Variants in PWWP2A observed in about 807,000 individuals in gnomAD.
PWWP2A encodes the protein PWWP domain containing 2A.
A neutral mutation model predicts 48.5 loss-of-function variants in PWWP2A; 18 were observed. The ratio of observed to expected loss-of-function variants is 0.37; its 90% confidence interval spans 0.26 to 0.55. The LOEUF is 0.55. PWWP2A is among the 20% of genes least tolerant of loss of function. PWWP2A has a pLI of 0.81. For synonymous variants in PWWP2A, 396 were observed against 387.7 expected (o/e 1.02, Z -0.25); for missense variants, 867 against 976.4 (o/e 0.89, Z 1.49).
At chr5:160,084,447 G>C (rs945203993) in intron 2 of PWWP2A, among the ~76,000 whole-genome samples, 11 of 152,012 alleles carry the variant, frequency 7.2e-5, no homozygotes, top group African/African-American at 2.7e-4. Context: ...TTTGTGTTTT[G>C]AGACAGGGTC....
intron 1 of PWWP2A, among the ~76,000 whole-genome samples, chr5:160,094,852 C>A (rs1313088240): frequency 9.9e-5 from 15 of 151,794 alleles, no homozygotes; most frequent in Admixed American, 9.9e-4. Flanking sequence ...TCGAGACCAT[C>A]CTGGCGAACA....
chr5:160,093,006 A>T lies in PWWP2A; in HGVS notation c.1644T>A (p.Asp548Glu). ...QDTNEVHVPG[D>E]QDEPQTLGKK... ...TGCCCAATGTCTGTGGTTCATCCTG[A>T]TCACCAGGCACATGCACTTCATTTG... is the stretch of plus-strand genomic sequence containing the variant. The change falls in exon 2 of 2, where the codon GAT becomes GAA. Residue 548 changes from aspartate (D) to glutamate (E), a missense_variant. Coordinates refer to ENST00000307063, the MANE Select transcript of PWWP2A (RefSeq NM_001130864.2). The surrounding 1 kb of genome is among the most constrained non-coding windows in gnomAD (Gnocchi z 5.8). 1.3e-6 allele frequency: 2 copies of T among 1,583,874 alleles called. No individual in the cohort carries two copies. Among genetic ancestry groups the T allele is most frequent in the Non-Finnish European group, 1.7e-6 (2 of 1,164,290 alleles).
chr5:160,047,559 A>G, the PWWP2A span, among the ~76,000 whole-genome samples: 1 of 152,196 alleles, frequency 6.6e-6, no homozygotes, highest in South Asian at 2.1e-4. Context: ...CGCCAACACT[A>G]CAGCCAAAGC....
In PWWP2A at chr5:160,093,396, G is replaced by A. The variant is rs1755289054; in HGVS notation, c.1254C>T (p.Leu418=). ...SKAQLSTKKV[L]QSKNMDHAKA... The stretch of plus-strand genomic sequence containing the variant: ...TCGCATGATCCATGTTCTTACTCTG[G>A]AGAACTTTTTTAGTACTTAACTGAG... The change falls in exon 2 of 2, where the codon CTC becomes CTT. Residue 418 remains leucine, a synonymous_variant. Transcript: ENST00000307063. This position sits in a 1 kb window ranked among gnomAD's most constrained non-coding sequence, Gnocchi z 5.8. The A allele has an allele frequency of 1.9e-6, 3 of 1,613,680 alleles. No individual in the cohort carries two copies. The highest frequency in any genetic ancestry group is 2.5e-6 in the Non-Finnish European group (3 of 1,179,826).
At chr5:160,105,394 C>T (rs149760407) in intron 1 of PWWP2A, among the ~76,000 whole-genome samples, 146 of 151,454 alleles carry the variant, frequency 9.6e-4, no homozygotes, top group African/African-American at 3.3e-3. Flanking sequence ...AAAAATTAGC[C>T]GGGCACGGAG....
chr5:160,068,455 C>T (rs1421718005), intron 2 of PWWP2A, among the ~76,000 whole-genome samples: 1 of 151,830 alleles, frequency 6.6e-6, no homozygotes, highest in Non-Finnish European at 1.5e-5. Context: ...CAAAATTAGC[C>T]GGGCGTGGTG....
chr5:160,072,135 C>T (rs1447809392), downstream of PWWP2A, among the ~76,000 whole-genome samples: 1 of 152,204 alleles, frequency 6.6e-6, no homozygotes, highest in African/African-American at 2.4e-5. Context: ...CTTCAGTGAA[C>T]TGCACAATTA....
downstream of PWWP2A, chr5:160,090,421 T>G: frequency 1.0e-6 from 1 of 983,338 alleles, no homozygotes; most frequent in Non-Finnish European, 1.2e-6. Flanking sequence ...AACAAATACT[T>G]GGAAAATCTT....
rs190515130 is a variant in PWWP2A, at chr5:160,068,716, G to C, written c.*80-1845C>G. ...TGAGTAGACCATGAGCTCATGGAAA[G>C]GGCCACATTTATGTTGTTAATAGCA... On this transcript the variant is annotated intron_variant and NMD_transcript_variant, in intron 2 of 5. Transcript: ENST00000524050. Among the ~76,000 whole-genome samples, 892 of 152,284 alleles carry C rather than the reference G, an allele frequency of 5.9e-3. 7 individuals are homozygous for C. Among genetic ancestry groups the C allele is most frequent in the South Asian group, 0.012 (56 of 4,824 alleles).
chr5:160,106,926 T>C (rs140105056), intron 1 of PWWP2A, among the ~76,000 whole-genome samples: 274 of 149,136 alleles, frequency 1.8e-3, no homozygotes, highest in African/African-American at 6.4e-3. Flanking sequence ...CAGGCTCAAG[T>C]GATTCTCATG....
chr5:160,110,952 A>G (rs1041564253), intron 1 of PWWP2A, among the ~76,000 whole-genome samples: 1 of 145,050 alleles, frequency 6.9e-6, no homozygotes, highest in African/African-American at 2.6e-5. Flanking sequence ...AATCACTTGA[A>G]CCTGAGCAAG....
At chr5:160,083,575 A>C (rs1277332336) in intron 2 of PWWP2A, among the ~76,000 whole-genome samples, 2 of 152,164 alleles carry the variant, frequency 1.3e-5, no homozygotes, top group African/African-American at 2.4e-5. Flanking sequence ...AAGCTGACAA[A>C]TGTAGCTTTG....
chr5:160,064,569 G>A (rs535750290), intron 4 of PWWP2A, among the ~76,000 whole-genome samples: 1 of 152,330 alleles, frequency 6.6e-6, no homozygotes, highest in South Asian at 2.1e-4. Context: ...TTGGCAGGGT[G>A]CCTTGAGCCT....
the PWWP2A span, among the ~76,000 whole-genome samples, chr5:160,054,634 A>C: frequency 1.3e-5 from 2 of 152,080 alleles, no homozygotes; most frequent in South Asian, 2.1e-4. Context: ...GAAAAGAAAA[A>C]TCTCATGTGA....
At chr5:160,073,137 CTT>C (rs1257111152), downstream of PWWP2A, among the ~76,000 whole-genome samples, 3 of 151,560 alleles carry the variant, frequency 2.0e-5, no homozygotes, top group Admixed American at 6.6e-5. Context: ...TGCTGTGTGA[CTT>C]TGCTGTCAAA....
the PWWP2A span, among the ~76,000 whole-genome samples, chr5:160,055,922 C>G: frequency 2.0e-5 from 3 of 152,226 alleles, no homozygotes; most frequent in East Asian, 5.8e-4. Flanking sequence ...CAGATCTCAG[C>G]TCTCTATTTG....
chr5:160,051,435 G>A, the PWWP2A span, among the ~76,000 whole-genome samples: 1 of 152,116 alleles, frequency 6.6e-6, no homozygotes, highest in African/African-American at 2.4e-5. Flanking sequence ...GCATAATTCA[G>A]TTCCCTGGGA....
chr5:160,071,232 T>C (rs549803215), downstream of PWWP2A, among the ~76,000 whole-genome samples: 1 of 152,146 alleles, frequency 6.6e-6, no homozygotes, highest in Non-Finnish European at 1.5e-5. Flanking sequence ...CTGGTGCTCC[T>C]TTTTAGTCTC....
the PWWP2A span, among the ~76,000 whole-genome samples, chr5:160,045,520 ACTCTC>A: frequency 2.4e-4 from 13 of 54,884 alleles, no homozygotes; most frequent in African/African-American, 1.1e-3. Context: ...ACACATACAC[ACTCTC>A]TCTCTCTCTC....
Sources: allele counts gnomAD v4.1 joint callset (sites outside exome capture counted in the v4.1 genomes callset), GRCh38; gene constraint gnomAD v4.1.1; non-coding constraint Gnocchi (gnomAD v3.1); transcripts MANE v1.5; gene names NCBI Gene and HGNC (gene_info 2026-07-23, HGNC 2026-07-21).